Variants in RIN2 observed in about 807,000 individuals in gnomAD.
RIN2 encodes the protein Ras and Rab interactor 2.
A neutral mutation model predicts 78.0 loss-of-function variants in RIN2; 36 were observed. The observed-to-expected ratio is 0.46, with a 90% CI of 0.35 to 0.61. The LOEUF is 0.61. Ranked by LOEUF, RIN2 falls within the 20% of genes least tolerant of loss-of-function variation. The pLI is 0.00. For synonymous variants in RIN2, 466 were observed against 466.8 expected (o/e 1.00, Z 0.02); for missense variants, 1,087 against 1,159.7 (o/e 0.94, Z 0.91).
chr20:19,815,930 A>T (rs2035753810), intron 2 of RIN2, among the ~76,000 whole-genome samples: 1 of 152,260 alleles, frequency 6.6e-6, no homozygotes, highest in Non-Finnish European at 1.5e-5. Context: ...CCATGGATTC[A>T]TCTTGATAAC....
intron 2 of RIN2, among the ~76,000 whole-genome samples, chr20:19,868,125 C>T (rs1458329531): frequency 6.6e-6 from 1 of 152,220 alleles, no homozygotes; most frequent in Admixed American, 6.5e-5. Flanking sequence ...GCTTTGGTGA[C>T]GTGATATTTA....
chr20:19,990,581 C>T (rs1390612243), intron 10 of RIN2, among the ~76,000 whole-genome samples: 1 of 152,100 alleles, frequency 6.6e-6, no homozygotes. Flanking sequence ...CAAATTCAGT[C>T]TCTGGAGTCT....
chr20:19,773,872 TAAA>T (rs1157324779), intron 1 of RIN2, among the ~76,000 whole-genome samples: 3 of 149,942 alleles, frequency 2.0e-5, no homozygotes, highest in Admixed American at 6.7e-5. Flanking sequence ...ATAATAAAAA[TAAA>T]ATAATATATA....
rs777038658 is a variant in RIN2 at position 19,975,286 on chromosome 20, C to A, written c.1261C>A (p.Pro421Thr). 1.9e-6 allele frequency: 3 copies of A among 1,600,634 alleles called. No individual in the cohort carries two copies. Among genetic ancestry groups the A allele is most frequent in the Non-Finnish European group, 1.7e-6 (2 of 1,173,998 alleles). ...APPPSSESRP[P>T]CHGGRQRLSD... ...GCCGCCCAGCTCTGAATCACGGCCC[C>A]CGTGCCATGGAGGCCGGCAGCGGCT... Residue 421 changes from proline (P) to threonine (T), a missense_variant, in exon 9 of 13, where the codon CCG becomes ACG. Physicochemically the swap from Pro to Thr is conservative, Grantham distance 38. Transcript: ENST00000255006. This position sits in a 1 kb window ranked among gnomAD's most constrained non-coding sequence, Gnocchi z 4.9.
Position 19,964,933 on chromosome 20 carries a change from T to C in RIN2, c.464-19T>C. ...CGTGCTCAGGGAGAATCAGCTGGTTTCTGAAATCTCTTTTCCAGCCTTTTC... is the reference window on the plus strand; with the variant it reads ...CGTGCTCAGGGAGAATCAGCTGGTTCCTGAAATCTCTTTTCCAGCCTTTTC... On this transcript the variant is annotated intron_variant, in intron 6 of 12. Coordinates refer to ENST00000255006, the MANE Select transcript of RIN2 (RefSeq NM_018993.4). 1 of 1,611,166 alleles carries C rather than the reference T, an allele frequency of 6.2e-7. No homozygotes were observed. The highest frequency in any genetic ancestry group is 1.1e-5 in the South Asian group (1 of 91,020).
chr20:19,798,598 T>C (rs2035140864), intron 1 of RIN2, among the ~76,000 whole-genome samples: 1 of 152,000 alleles, frequency 6.6e-6, no homozygotes, highest in African/African-American at 2.4e-5. Context: ...ATGAGAAACA[T>C]ATTTAGAAAA....
chr20:19,990,386 T>C, intron 10 of RIN2, 75 bp downstream of exon 10: 3 of 1,397,366 alleles, frequency 2.1e-6, no homozygotes, highest in Non-Finnish European at 2.9e-6. Flanking sequence ...CTGTCAGGCT[T>C]TCTGATTCCC....
At chr20:19,942,466 T>C (rs2040918212) in intron 4 of RIN2, among the ~76,000 whole-genome samples, 1 of 152,218 alleles carries the variant, frequency 6.6e-6, no homozygotes, top group Non-Finnish European at 1.5e-5. Context: ...ATTTCTTTTT[T>C]TGATAGCCAA....
intron 2 of RIN2, among the ~76,000 whole-genome samples, chr20:19,818,762 AAAAG>A (rs1282427631): frequency 1.3e-5 from 2 of 152,074 alleles, no homozygotes; most frequent in African/African-American, 2.4e-5. Flanking sequence ...GAGAAAAAAA[AAAAG>A]AAAGTAACTG....
chr20:19,852,072 C>A (rs2037000202), intron 2 of RIN2, among the ~76,000 whole-genome samples: 1 of 152,162 alleles, frequency 6.6e-6, no homozygotes, highest in South Asian at 2.1e-4. Flanking sequence ...AGCACCAGAG[C>A]ACAAGCCCGA....
At chr20:19,794,809 G>GCA (rs1384004559) in intron 1 of RIN2, among the ~76,000 whole-genome samples, 3 of 151,960 alleles carry the variant, frequency 2.0e-5, no homozygotes, top group African/African-American at 7.3e-5. Flanking sequence ...ACAACGCCTC[G>GCA]CACCTACTAG....
At chr20:19,857,984 T>C (rs1254163226) in intron 2 of RIN2, among the ~76,000 whole-genome samples, 2 of 152,242 alleles carry the variant, frequency 1.3e-5, no homozygotes, top group Middle Eastern at 3.2e-3. Flanking sequence ...AGCCAGAAGT[T>C]ATTTGTCTTA....
At chr20:19,994,630 C>T (rs917420029) in intron 11 of RIN2, among the ~76,000 whole-genome samples, 6 of 152,140 alleles carry the variant, frequency 3.9e-5, no homozygotes, top group Admixed American at 2.6e-4. Context: ...AAGGAGCCCC[C>T]CTCCACCCCC....
chr20:19,801,612 C>T (rs929974853), intron 2 of RIN2, among the ~76,000 whole-genome samples: 5 of 152,180 alleles, frequency 3.3e-5, no homozygotes, highest in East Asian at 1.9e-4. Flanking sequence ...TGAGCCACCG[C>T]GCCCGGCATC....
intron 3 of RIN2, among the ~76,000 whole-genome samples, chr20:19,919,267 G>T (rs1169983388): frequency 6.6e-6 from 1 of 152,130 alleles, no homozygotes; most frequent in African/African-American, 2.4e-5. Context: ...CCAGGATGCT[G>T]GTCCCCACAC....
chr20:19,867,030 A>G (rs2123329683), intron 2 of RIN2, among the ~76,000 whole-genome samples: 1 of 152,080 alleles, frequency 6.6e-6, no homozygotes, highest in Admixed American at 6.5e-5. Context: ...GTTTAATGGA[A>G]TGCATTTTTA....
At chr20:19,873,192 T>A (rs995091956) in intron 2 of RIN2, among the ~76,000 whole-genome samples, 19 of 152,084 alleles carry the variant, frequency 1.2e-4, no homozygotes, top group Non-Finnish European at 2.6e-4. Flanking sequence ...TGGTGCAATC[T>A]CGGCTCACTG....
At chr20:19,863,393 G>A (rs889205928) in intron 2 of RIN2, among the ~76,000 whole-genome samples, 2 of 152,140 alleles carry the variant, frequency 1.3e-5, no homozygotes, top group African/African-American at 4.8e-5. Flanking sequence ...ACTGCTGGCT[G>A]CTTGCATTTG....
Position 19,975,133 on chromosome 20 carries a change from G to A in RIN2, c.1108G>A (p.Ala370Thr). The A allele has an allele frequency of 6.2e-7, 1 of 1,613,256 alleles. No individual in the cohort carries two copies. Among genetic ancestry groups the A allele is most frequent in the Non-Finnish European group, 8.5e-7 (1 of 1,179,884 alleles). ...RLKKQASFLEAEGGAKTLSGG... is the reference protein window; with the variant it reads ...RLKKQASFLETEGGAKTLSGG... ...GAAGAAGCAGGCTTCTTTTCTGGAAGCAGAGGGCGGTGCAAAGACCTTGAG... is the reference window on the plus strand; with the variant it reads ...GAAGAAGCAGGCTTCTTTTCTGGAAACAGAGGGCGGTGCAAAGACCTTGAG... Residue 370 changes from alanine to threonine, a missense_variant, in exon 9 of 13, where the codon GCA (alanine) becomes ACA (threonine). Ala to Thr is a moderately conservative substitution (Grantham distance 58). Coordinates refer to ENST00000255006, the MANE Select transcript of RIN2 (RefSeq NM_018993.4). The surrounding 1 kb of genome is among the most constrained non-coding windows in gnomAD (Gnocchi z 4.9).
Sources: gnomAD v4.1 joint callset for allele counts (sites outside exome capture counted in the v4.1 genomes callset) on GRCh38, gnomAD v4.1.1 for gene constraint, Gnocchi (gnomAD v3.1) non-coding constraint, MANE v1.5 for transcripts, NCBI Gene and HGNC (gene_info 2026-07-23, HGNC 2026-07-21) for gene names.